Variants in RIC1 observed in about 807,000 individuals in gnomAD.
The protein encoded by RIC1 is RIC1 partner of RAB6A GEF complex, also known as guanine nucleotide exchange factor subunit RIC1.
In RIC1, 88 loss-of-function variants were observed where a neutral mutation model predicts 169.0. That is an observed-to-expected ratio of 0.52 (90% CI 0.44 to 0.62). The LOEUF (loss-of-function observed/expected upper bound fraction) is 0.62. Among genes scored for constraint, RIC1 ranks in the 20% least tolerant of loss-of-function variants. RIC1 has a pLI of 0.00. For missense variants in RIC1, 1,877 were observed against 1,725.5 expected, an observed-to-expected ratio of 1.09 and a Z score of -1.56; for synonymous variants, 790 against 601.5, an observed-to-expected ratio of 1.31 and a Z score of -4.59.
chr9:5,696,071 T>G (rs938593608), intron 3 of RIC1, among the ~76,000 whole-genome samples: 1 of 152,186 alleles, frequency 6.6e-6, no homozygotes, highest in African/African-American at 2.4e-5. Flanking sequence ...TCATCAAATT[T>G]TACTGATTGA....
intron 12 of RIC1, 127 bp downstream of exon 12, chr9:5,747,632 C>T (rs1477074555): frequency 7.5e-6 from 6 of 804,538 alleles, no homozygotes; most frequent in African/African-American, 1.7e-5. Context: ...TTGTCATGTC[C>T]CTCTTCTGCT....
intron 1 of RIC1, among the ~76,000 whole-genome samples, chr9:5,630,446 C>T (rs1009138077): frequency 1.5e-4 from 23 of 152,090 alleles, no homozygotes; most frequent in Non-Finnish European, 2.8e-4. Context: ...ATTAGGTGTT[C>T]GTGAAATACT....
intron 2 of RIC1, among the ~76,000 whole-genome samples, chr9:5,677,181 A>C (rs1370001404): frequency 1.3e-5 from 2 of 152,226 alleles, no homozygotes; most frequent in East Asian, 3.8e-4. Context: ...ATCTTTGCCA[A>C]CATGTGGTAG....
chr9:5,648,912 T>C (rs1385930910), intron 1 of RIC1, among the ~76,000 whole-genome samples: 1 of 152,170 alleles, frequency 6.6e-6, no homozygotes, highest in Non-Finnish European at 1.5e-5. Flanking sequence ...TAGTTTCTTG[T>C]CAGATGCATA....
chr9:5,763,256 T>C lies in RIC1; in HGVS notation c.2229T>C (p.Gly743=). The change falls in exon 19 of 26, where the codon GGT becomes GGC. Residue 743 remains glycine (G), a synonymous_variant. Transcript: ENST00000414202. The surrounding 1 kb of genome is among the most constrained non-coding windows in gnomAD (Gnocchi z 5.2). ...LLEALWLSCG[G]AGMKVWLPLF... ...AGGCCCTCTGGCTGAGCTGTGGTGG[T>C]GCAGGGATGAAAGTTTGGCTCCCTC... 1 of 1,614,092 alleles carries C rather than the reference T, an allele frequency of 6.2e-7. No homozygotes were observed. Among genetic ancestry groups the C allele is most frequent in the Non-Finnish European group, 8.5e-7 (1 of 1,180,006 alleles).
chr9:5,707,546 C>G (rs190406777), intron 3 of RIC1, among the ~76,000 whole-genome samples: 1 of 152,090 alleles, frequency 6.6e-6, no homozygotes, highest in Admixed American at 6.5e-5. Flanking sequence ...TATTTTGTGG[C>G]TCTGATGCTA....
At chr9:5,651,276 G>A (rs548360877) in intron 1 of RIC1, among the ~76,000 whole-genome samples, 1 of 152,094 alleles carries the variant, frequency 6.6e-6, no homozygotes, top group African/African-American at 2.4e-5. Flanking sequence ...CCTTGCTTTA[G>A]GTGTTTCCTG....
intron 2 of RIC1, among the ~76,000 whole-genome samples, chr9:5,679,795 A>C (rs1374122755): frequency 6.6e-6 from 1 of 152,198 alleles, no homozygotes; most frequent in East Asian, 1.9e-4. Flanking sequence ...GACAGGGACA[A>C]TTTGACTTCC....
At chr9:5,669,514 T>A (rs1315604221) in intron 2 of RIC1, among the ~76,000 whole-genome samples, 2 of 152,252 alleles carry the variant, frequency 1.3e-5, no homozygotes, top group African/African-American at 4.8e-5. Context: ...ATATACCACA[T>A]TTTCTTTATC....
At chr9:5,697,838 T>G (rs768239636) in intron 3 of RIC1, among the ~76,000 whole-genome samples, 1 of 152,256 alleles carries the variant, frequency 6.6e-6, no homozygotes, top group East Asian at 1.9e-4. Flanking sequence ...ACACTGCTAC[T>G]GAAGATGCTA....
At chr9:5,634,051 G>A (rs1586853445) in intron 1 of RIC1, among the ~76,000 whole-genome samples, 1 of 152,034 alleles carries the variant, frequency 6.6e-6, no homozygotes, top group African/African-American at 2.4e-5. Context: ...GTTGCAGATG[G>A]CAGGATTTCC....
intron 1 of RIC1, among the ~76,000 whole-genome samples, chr9:5,643,007 C>T (rs576547241): frequency 6.6e-6 from 1 of 151,978 alleles, no homozygotes; most frequent in Admixed American, 6.6e-5. Flanking sequence ...ACAATAAAAA[C>T]AATTTTATAA....
chr9:5,698,283 T>C lies in RIC1; in HGVS notation c.332+8245T>C, dbSNP rs570845117. ...CTTTTCTTTTAAGACTTCTGTGTAGTTTTTATGCTACACTTGGTATTGTGG... is the reference window on the plus strand; with the variant it reads ...CTTTTCTTTTAAGACTTCTGTGTAGCTTTTATGCTACACTTGGTATTGTGG... On this transcript the variant is annotated intron_variant, in intron 3 of 25. Coordinates refer to ENST00000414202, the MANE Select transcript of RIC1 (RefSeq NM_020829.4). Among the ~76,000 whole-genome samples the C allele has an allele frequency of 2.0e-5, 3 of 152,208 alleles. No homozygotes were observed. The South Asian group carries it at 6.2e-4, about 32-fold the overall frequency.
intron 6 of RIC1, among the ~76,000 whole-genome samples, chr9:5,726,239 G>A (rs1267537820): frequency 6.6e-6 from 1 of 152,172 alleles, no homozygotes; most frequent in Non-Finnish European, 1.5e-5. Flanking sequence ...GGGTGCTCCT[G>A]TATTGGGTGC....
chr9:5,765,398 T>C lies in RIC1; in HGVS notation c.2842-16T>C, dbSNP rs1338851755. 1 of 1,607,044 alleles carries C rather than the reference T, an allele frequency of 6.2e-7. No homozygotes were observed. Among genetic ancestry groups the C allele is most frequent in the African/African-American group, 1.3e-5 (1 of 74,490 alleles). ...GTGTAGTATAAAAAGAATGCTGTCCTGGTTGTTTTTTGTAGAATATGGAAG... is the reference window on the plus strand; with the variant it reads ...GTGTAGTATAAAAAGAATGCTGTCCCGGTTGTTTTTTGTAGAATATGGAAG... On this transcript the variant is annotated splice_polypyrimidine_tract_variant and intron_variant, in intron 19 of 25. Transcript: ENST00000414202.
intron 2 of RIC1, among the ~76,000 whole-genome samples, chr9:5,659,532 G>C (rs913167782): frequency 6.6e-6 from 1 of 152,126 alleles, no homozygotes; most frequent in East Asian, 1.9e-4. Context: ...CTATATGACT[G>C]TTTGAACTGG....
Position 5,720,344 on chromosome 9 carries a change from G to C in RIC1, c.583+20G>C. The C allele has an allele frequency of 6.2e-7, 1 of 1,602,466 alleles. No homozygotes were observed. Among genetic ancestry groups the C allele is most frequent in the Non-Finnish European group, 8.5e-7 (1 of 1,174,198 alleles). On this transcript the variant is annotated intron_variant, in intron 5 of 25. Transcript: ENST00000414202. ...CTAGAGGTAGCTATACTTTCTACAT[G>C]AGGTTGAACCAGTTGTTTAATGTTT...
intron 2 of RIC1, among the ~76,000 whole-genome samples, chr9:5,684,038 T>C (rs1821040953): frequency 6.6e-6 from 1 of 152,080 alleles, no homozygotes; most frequent in Non-Finnish European, 1.5e-5. Flanking sequence ...CCTGGTGCCG[T>C]CTGTCACCCC....
At chr9:5,707,718 A>AG (rs996071346) in intron 3 of RIC1, among the ~76,000 whole-genome samples, 2 of 151,964 alleles carry the variant, frequency 1.3e-5, no homozygotes, top group Non-Finnish European at 2.9e-5. Context: ...TACTATTTGC[A>AG]TGGAATATAT....
Sources: allele counts gnomAD v4.1 joint callset (sites outside exome capture counted in the v4.1 genomes callset), GRCh38; gene constraint gnomAD v4.1.1; non-coding constraint Gnocchi (gnomAD v3.1); transcripts MANE v1.5; gene names NCBI Gene and HGNC (gene_info 2026-07-23, HGNC 2026-07-21).